The following STPG2 variants were observed in gnomAD, a reference collection of about 807,000 sequenced individuals.
STPG2 encodes sperm tail PG-rich repeat containing 2.
A neutral mutation model predicts 54.2 loss-of-function variants in STPG2; 56 were observed. The ratio of observed to expected loss-of-function variants is 1.03; its 90% confidence interval spans 0.83 to 1.29. The LOEUF is 1.29. Ranked by LOEUF, STPG2 falls within the 50% of genes most tolerant of loss-of-function variation. The pLI, the probability that STPG2 is intolerant of heterozygous loss-of-function variation, is 0.00. For missense variants in STPG2, 596 were observed against 544.9 expected, an observed-to-expected ratio of 1.09 and a Z score of -0.93; for synonymous variants, 200 against 181.8, an observed-to-expected ratio of 1.10 and a Z score of -0.81.
At chr4:97,734,657 T>C (rs1422022051) in intron 9 of STPG2, among the ~76,000 whole-genome samples, 4 of 152,056 alleles carry the variant, frequency 2.6e-5, no homozygotes, top group South Asian at 2.1e-4. Context: ...TCTAAAAGGA[T>C]CAAATGTGGT....
At chr4:97,781,802 C>T (rs1320275709) in intron 9 of STPG2, among the ~76,000 whole-genome samples, 2 of 152,028 alleles carry the variant, frequency 1.3e-5, no homozygotes, top group African/African-American at 4.8e-5. Context: ...AAACGTAATC[C>T]AGCATATAAA....
intron 5 of STPG2, among the ~76,000 whole-genome samples, chr4:98,065,610 G>C (rs978674302): frequency 1.3e-5 from 2 of 152,126 alleles, no homozygotes; most frequent in Non-Finnish European, 2.9e-5. Flanking sequence ...GAATTAGCGA[G>C]GAGCCAGACT....
intron 10 of STPG2, among the ~76,000 whole-genome samples, chr4:97,626,446 C>G (rs927886505): frequency 3.3e-5 from 5 of 152,068 alleles, no homozygotes; most frequent in Non-Finnish European, 7.4e-5. Context: ...ACATAATTAG[C>G]GTCTTCAACC....
At chr4:98,073,972 C>G (rs1330988150) in intron 5 of STPG2, among the ~76,000 whole-genome samples, 1 of 152,064 alleles carries the variant, frequency 6.6e-6, no homozygotes, top group Admixed American at 6.6e-5. Flanking sequence ...GAAATCCTCT[C>G]CCCTCAGATC....
intron 9 of STPG2, among the ~76,000 whole-genome samples, chr4:97,798,703 T>C (rs1219018419): frequency 8.5e-6 from 1 of 117,974 alleles, no homozygotes; most frequent in Non-Finnish European, 1.7e-5. Context: ...TTAGGTCCAC[T>C]TGTTGCAGAG....
intron 4 of STPG2, among the ~76,000 whole-genome samples, chr4:97,543,885 G>A (rs1326295781): frequency 6.6e-6 from 1 of 152,026 alleles, no homozygotes; most frequent in African/African-American, 2.4e-5. Context: ...GATCCTGGTA[G>A]AGCTCAAATA....
At chr4:97,780,605 CA>C (rs1726566630) in intron 9 of STPG2, among the ~76,000 whole-genome samples, 1 of 126,332 alleles carries the variant, frequency 7.9e-6, no homozygotes, top group African/African-American at 3.1e-5. Flanking sequence ...CAGAATGCTC[CA>C]CCCCAAATCA....
chr4:97,768,237 G>A (rs567373469), intron 9 of STPG2, among the ~76,000 whole-genome samples: 311 of 151,398 alleles, frequency 2.1e-3, no homozygotes, highest in Non-Finnish European at 3.9e-3. Flanking sequence ...AGGCCAATGA[G>A]AATTTAAAGA....
intron 8 of STPG2, among the ~76,000 whole-genome samples, chr4:97,887,369 G>A (rs1369031185): frequency 1.3e-5 from 2 of 152,136 alleles, no homozygotes; most frequent in African/African-American, 4.8e-5. Context: ...GATCTCAGAT[G>A]GAGATGAGGA....
rs183062427 is a variant in STPG2 at position 97,798,415 on chromosome 4, G to T, written c.1204+42358C>A. On this transcript the variant is annotated intron_variant, in intron 9 of 10. Transcript: ENST00000295268. Reference sequence around the variant, plus strand: ...TCTCGTTGGTTTCAAAGAACATCTTGATTTCTGACTTCATTTCGTTATGAA... The same window carrying T: ...TCTCGTTGGTTTCAAAGAACATCTTTATTTCTGACTTCATTTCGTTATGAA... 1.8e-3 allele frequency among the ~76,000 whole-genome samples: 272 copies of T among 152,094 alleles called. 2 individuals carry two copies. The highest frequency in any genetic ancestry group is 6.0e-3 in the African/African-American group (250 of 41,510).
chr4:97,700,545 T>C (rs1303819604), intron 10 of STPG2, among the ~76,000 whole-genome samples: 1 of 152,184 alleles, frequency 6.6e-6, no homozygotes, highest in Non-Finnish European at 1.5e-5. Flanking sequence ...TCCCTGAATT[T>C]TAGTCAGATT....
In STPG2 at chr4:97,485,227, G is replaced by T. The variant is rs185784124; in HGVS notation, c.462+227472C>A. Among the ~76,000 whole-genome samples the T allele has an allele frequency of 4.2e-3, 635 of 151,898 alleles. 4 individuals are homozygous for T. The highest frequency in any genetic ancestry group is 0.02 in the South Asian group (98 of 4,820). ...AGCCAGAGCAATCAGACAAGATAAA[G>T]AAATAAAGGGCATCCAAATCAGCGA... is the stretch of plus-strand genomic sequence containing the variant. On this transcript the variant is annotated intron_variant, in intron 4 of 4. Coordinates refer to the STPG2 transcript ENST00000522676.
At chr4:98,066,573 A>G (rs1385865122) in intron 5 of STPG2, among the ~76,000 whole-genome samples, 1 of 149,856 alleles carries the variant, frequency 6.7e-6, no homozygotes, top group South Asian at 2.2e-4. Context: ...TGGGCAACAG[A>G]CAGAGACTCC....
chr4:97,719,674 G>T (rs17026893), intron 9 of STPG2, among the ~76,000 whole-genome samples: 13,765 of 151,884 alleles, frequency 0.091, 1,777 homozygotes, highest in African/African-American at 0.29. Flanking sequence ...TTATGTGCCT[G>T]CCTACGGTAG....
chr4:97,527,444 A>G (rs1408900343), intron 4 of STPG2, among the ~76,000 whole-genome samples: 2 of 152,312 alleles, frequency 1.3e-5, no homozygotes, highest in South Asian at 2.1e-4. Flanking sequence ...TATTGCAAAC[A>G]GTGCTGAAAT....
intron 5 of STPG2, among the ~76,000 whole-genome samples, chr4:98,035,724 A>G (rs867737344): frequency 3.9e-5 from 6 of 152,268 alleles, no homozygotes; most frequent in Admixed American, 3.9e-4. Context: ...AAACTGGATA[A>G]AGAAAATGTG....
At position 98,098,740 on chromosome 4, in the gene STPG2, C is replaced by T. The variant is rs187483401; in HGVS notation, c.612+7213G>A. On this transcript the variant is annotated intron_variant, in intron 5 of 10. Transcript: ENST00000295268. ...AACCCATCTGACAAGGGATTCATAA[C>T]GAGAACATATAAGGAGCTCAAACAA... Among the ~76,000 whole-genome samples the T allele has an allele frequency of 5.2e-3, 787 of 152,128 alleles. 10 individuals carry two copies. Among genetic ancestry groups the T allele is most frequent in the African/African-American group, 0.018 (754 of 41,512 alleles).
intron 9 of STPG2, among the ~76,000 whole-genome samples, chr4:97,804,062 T>C (rs1727479795): frequency 6.6e-6 from 1 of 152,168 alleles, no homozygotes; most frequent in Non-Finnish European, 1.5e-5. Flanking sequence ...ACAATACTGA[T>C]GCTGCTAAAC....
At chr4:97,913,995 T>G (rs1731776768) in intron 8 of STPG2, among the ~76,000 whole-genome samples, 1 of 152,184 alleles carries the variant, frequency 6.6e-6, no homozygotes, top group Non-Finnish European at 1.5e-5. Context: ...AAATCAAAGC[T>G]GTACATTCAG....
Sources: gnomAD v4.1 joint callset for allele counts (sites outside exome capture counted in the v4.1 genomes callset) on GRCh38, gnomAD v4.1.1 for gene constraint, MANE v1.5 for transcripts, NCBI Gene and HGNC (gene_info 2026-07-23, HGNC 2026-07-21) for gene names.